The following PCSK2 variants were observed in gnomAD, a reference collection of about 807,000 sequenced individuals.
PCSK2 encodes neuroendocrine convertase 2.
PCSK2 carries 14 observed loss-of-function variants against 69.7 expected under a neutral mutation model. The ratio of observed to expected loss-of-function variants is 0.20; its 90% confidence interval spans 0.13 to 0.31. The LOEUF is 0.31. Among genes scored for constraint, PCSK2 ranks in the 10% least tolerant of loss-of-function variants. PCSK2 has a pLI of 1.00. For missense variants in PCSK2, 544 were observed against 842.5 expected (o/e 0.65, Z 4.39); for synonymous variants, 307 against 320.7 (o/e 0.96, Z 0.46).
intron 2 of PCSK2, among the ~76,000 whole-genome samples, chr20:17,332,588 G>A (rs1990233710): frequency 6.6e-6 from 1 of 152,166 alleles, no homozygotes; most frequent in Admixed American, 6.5e-5. Flanking sequence ...TGTCACTTGG[G>A]AATTGGTTAG....
At chr20:17,316,068 C>T (rs1395810703) in intron 2 of PCSK2, among the ~76,000 whole-genome samples, 1 of 152,176 alleles carries the variant, frequency 6.6e-6, no homozygotes, top group East Asian at 1.9e-4. Context: ...TAAGCCTTAC[C>T]CTCTTTAAGG....
At chr20:17,451,031 C>G (rs1262630170) in intron 8 of PCSK2, among the ~76,000 whole-genome samples, 1 of 152,092 alleles carries the variant, frequency 6.6e-6, no homozygotes, top group East Asian at 1.9e-4. Context: ...CCCATCTTCC[C>G]CAGAAGCCAG....
chr20:17,350,787 A>G (rs1405775747), intron 2 of PCSK2, among the ~76,000 whole-genome samples: 1 of 152,186 alleles, frequency 6.6e-6, no homozygotes, highest in Non-Finnish European at 1.5e-5. Flanking sequence ...TTATGCCTGT[A>G]ATCCCAGCAC....
chr20:17,436,186 G>A (rs989400518), intron 7 of PCSK2, among the ~76,000 whole-genome samples: 1 of 152,138 alleles, frequency 6.6e-6, no homozygotes, highest in African/African-American at 2.4e-5. Context: ...CTCAGCTACA[G>A]TGCAAATGGG....
intron 2 of PCSK2, among the ~76,000 whole-genome samples, chr20:17,270,017 A>C (rs1021236142): frequency 6.6e-6 from 1 of 152,084 alleles, no homozygotes; most frequent in African/African-American, 2.4e-5. Context: ...ATAATTTCTC[A>C]CTCCTCAAAC....
rs891687365 is a variant in PCSK2 at position 17,392,996 on chromosome 20, A to T, written c.544-16267A>T. ...AGAAAATGTGACAGTCCTCAGAGTC[A>T]TGGAGCCTAGAAAACAGTGCGGTTG... is the stretch of plus-strand genomic sequence containing the variant. On this transcript the variant is annotated intron_variant, in intron 5 of 11. Coordinates refer to ENST00000262545, the MANE Select transcript of PCSK2 (RefSeq NM_002594.5). Among the ~76,000 whole-genome samples, 8 of 152,320 alleles carry T rather than the reference A, an allele frequency of 5.3e-5. No homozygotes were observed. The East Asian group carries it at 1.5e-3, about 29-fold the overall frequency.
At chr20:17,361,842 T>C (rs1047289858) in intron 4 of PCSK2, among the ~76,000 whole-genome samples, 5 of 152,210 alleles carry the variant, frequency 3.3e-5, no homozygotes, top group Admixed American at 2.6e-4. Context: ...AGAGTGTGTG[T>C]GCTCAGATGT....
chr20:17,450,410 T>C (rs1166870586), intron 8 of PCSK2, among the ~76,000 whole-genome samples: 2 of 152,172 alleles, frequency 1.3e-5, no homozygotes, highest in African/African-American at 4.8e-5. Context: ...TAGGATAATA[T>C]GTGAAGTACT....
rs368566897 is a variant in PCSK2, at chr20:17,384,752, G to A, written c.543+15475G>A. On this transcript the variant is annotated intron_variant, in intron 5 of 11. Transcript: ENST00000262545. ...GTTTGAGACCAGCCTGAGTAACATG[G>A]CAACACCCTGTCGCTACAAAAAAAT... 9.9e-5 allele frequency among the ~76,000 whole-genome samples: 15 copies of A among 152,084 alleles called. 1 individual carries two copies.
intron 8 of PCSK2, among the ~76,000 whole-genome samples, chr20:17,449,592 G>A (rs548641745): frequency 8.4e-4 from 92 of 109,744 alleles, no homozygotes; most frequent in South Asian, 4.4e-4. Context: ...GTGCAATAGC[G>A]CGATCTCAGC....
chr20:17,471,615 G>C (rs938577600), intron 11 of PCSK2, among the ~76,000 whole-genome samples: 1 of 152,238 alleles, frequency 6.6e-6, no homozygotes, highest in Non-Finnish European at 1.5e-5. Context: ...GCAAATGTGG[G>C]AAGGAGGCTC....
At chr20:17,437,027 T>C (rs900718454) in intron 8 of PCSK2, 144 bp downstream of exon 8, 3 of 680,494 alleles carry the variant, frequency 4.4e-6, no homozygotes, top group African/African-American at 1.8e-5. Flanking sequence ...GGCTTAGCCA[T>C]GCAGGAGGCT....
intron 2 of PCSK2, among the ~76,000 whole-genome samples, chr20:17,353,233 C>T (rs534736526): frequency 2.4e-4 from 35 of 143,638 alleles, no homozygotes; most frequent in Non-Finnish European, 4.1e-4. Context: ...GAGGCCAAGG[C>T]GGGCGGATCA....
intron 5 of PCSK2, among the ~76,000 whole-genome samples, chr20:17,398,170 T>C (rs2031556071): frequency 6.6e-6 from 1 of 152,048 alleles, no homozygotes; most frequent in Non-Finnish European, 1.5e-5. Context: ...AGGGAGGCTA[T>C]GGATGCAGAA....
intron 2 of PCSK2, among the ~76,000 whole-genome samples, chr20:17,316,046 G>A (rs889168136): frequency 1.5e-4 from 23 of 152,210 alleles, no homozygotes; most frequent in Admixed American, 1.3e-4. Flanking sequence ...CAGGCCGCCT[G>A]GGTTCCACTC....
intron 2 of PCSK2, among the ~76,000 whole-genome samples, chr20:17,303,370 T>A (rs1370137731): frequency 7.9e-6 from 1 of 126,254 alleles, no homozygotes; most frequent in African/African-American, 3.0e-5. Flanking sequence ...ATATGATATA[T>A]AATTATATAT....
intron 2 of PCSK2, among the ~76,000 whole-genome samples, chr20:17,347,958 AAG>A (rs201814730): frequency 0.16 from 7,859 of 48,180 alleles, 968 homozygotes; most frequent in Middle Eastern, 0.28. Context: ...GAAAGAAAGA[AAG>A]AGAAAGAAAG....
chr20:17,232,234 C>T (rs1046196701), intron 1 of PCSK2, among the ~76,000 whole-genome samples: 6 of 152,086 alleles, frequency 3.9e-5, no homozygotes, highest in Non-Finnish European at 7.4e-5. Context: ...AGAATTCTGC[C>T]GGCTACAGAC....
chr20:17,251,740 T>C (rs1986988179), intron 1 of PCSK2, among the ~76,000 whole-genome samples: 1 of 152,202 alleles, frequency 6.6e-6, no homozygotes, highest in Admixed American at 6.5e-5. Flanking sequence ...AATTTTATTA[T>C]ACTCATGAAT....
Sources: gnomAD v4.1 joint callset for allele counts (sites outside exome capture counted in the v4.1 genomes callset) on GRCh38, gnomAD v4.1.1 for gene constraint, MANE v1.5 for transcripts, NCBI Gene and HGNC (gene_info 2026-07-23, HGNC 2026-07-21) for gene names.